USP5: variants seen among roughly 807,000 people sequenced by gnomAD.
USP5 encodes ubiquitin specific peptidase 5, also known as ubiquitin carboxyl-terminal hydrolase 5.
USP5 carries 24 observed loss-of-function variants against 102.5 expected under a neutral mutation model. That is an observed-to-expected ratio of 0.23 (90% CI 0.17 to 0.33). USP5 has a LOEUF of 0.33. Among genes scored for constraint, USP5 ranks in the 10% least tolerant of loss-of-function variants. The pLI is 1.00. For missense variants in USP5, 753 were observed against 1,122.1 expected (o/e 0.67, Z 4.70); for synonymous variants, 460 against 434.8 (o/e 1.06, Z -0.72).
Position 6,862,555 on chromosome 12 carries a change from C to G in USP5, c.1759C>G (p.Leu587Val). 3 of 1,613,836 alleles carry G rather than the reference C, an allele frequency of 1.9e-6. No homozygotes were observed. The highest frequency in any genetic ancestry group is 2.5e-6 in the Non-Finnish European group (3 of 1,179,742). Reference protein sequence around the residue: ...TFGLDWVPKKLDVSIEMPEEL... With the variant: ...TFGLDWVPKKVDVSIEMPEEL... ...CGGCTTAGACTGGGTGCCCAAGAAA[C>G]TGGGTATGGCTGCTGGAATGAGGGA... The change falls in exon 14 of 20, where the codon CTG (leucine) becomes GTG (valine). Residue 587 changes from leucine (L) to valine (V), a missense_variant. By Grantham distance (32) the Leu-to-Val change is conservative. Transcript: ENST00000229268.
rs1259096698 is a variant in USP5, at chr12:6,860,833, C to G, written c.1345-120C>G. 1.4e-6 allele frequency: 2 copies of G among 1,432,586 alleles called. No homozygotes were observed. The highest frequency in any genetic ancestry group is 2.8e-5 in the African/African-American group (2 of 70,328). 88.7% of individuals were successfully genotyped at this position (1,432,586 alleles called of 1,614,324 possible). A position where few individuals can be genotyped will look rare whatever the true frequency, so the allele number is the denominator to read the frequency against. On this transcript the variant is annotated intron_variant, in intron 11 of 19. Transcript: ENST00000229268. This position sits in a 1 kb window ranked among gnomAD's most constrained non-coding sequence, Gnocchi z 5.5. ...AATTAGGGAAGGTTTCTGCTCTGCT[C>G]TTGTGTCCCTGAGTTCCGAGTGGTA...
In USP5 at chr12:6,858,512, A is replaced by G. The variant is rs782409014; in HGVS notation, c.953A>G (p.Lys318Arg). The G allele has an allele frequency of 6.8e-6, 11 of 1,613,826 alleles. No individual in the cohort carries two copies. The highest frequency in any genetic ancestry group is 3.3e-5 in the Admixed American group (2 of 59,998). Residue 318 changes from lysine (K) to arginine (R), a missense_variant, in exon 8 of 20, where the codon AAG becomes AGG. Physicochemically the swap from Lys to Arg is conservative, Grantham distance 26. Coordinates refer to ENST00000229268, the MANE Select transcript of USP5 (RefSeq NM_001098536.2). This position sits in a 1 kb window ranked among gnomAD's most constrained non-coding sequence, Gnocchi z 4.2. The stretch of plus-strand genomic sequence containing the variant: ...ATCCAGGAGTCAGGTGTGCCACTCA[A>G]GCCCCTGTTTGGGCCTGGCTACACA... ...ELIQESGVPL[K>R]PLFGPGYTGI...
In USP5 at chr12:6,863,708, C is replaced by G; in HGVS notation, c.1955-122C>G. 7.2e-7 allele frequency: 1 copy of G among 1,396,086 alleles called. No individual in the cohort carries two copies. The highest frequency in any genetic ancestry group is 2.5e-5 in the Admixed American group (1 of 40,678). 86.5% of individuals were successfully genotyped at this position (1,396,086 alleles called of 1,614,324 possible). ...GTCATTTTGGTTTTGGGATAAGGTGCCAATCCATGGGAGAAAAATGCATGG... is the reference window on the plus strand; with the variant it reads ...GTCATTTTGGTTTTGGGATAAGGTGGCAATCCATGGGAGAAAAATGCATGG... On this transcript the variant is annotated intron_variant, in intron 15 of 19. Coordinates refer to ENST00000229268, the MANE Select transcript of USP5 (RefSeq NM_001098536.2). This position sits in a 1 kb window ranked among gnomAD's most constrained non-coding sequence, Gnocchi z 4.7.
chr12:6,861,737 T>C lies in USP5; in HGVS notation c.1673+120T>C, dbSNP rs782706321. On this transcript the variant is annotated intron_variant, in intron 13 of 19. Coordinates refer to ENST00000229268, the MANE Select transcript of USP5 (RefSeq NM_001098536.2). The surrounding 1 kb of genome is among the most constrained non-coding windows in gnomAD (Gnocchi z 4.9). ...GGTTGGAACCTCAGGGTTGAATCAG[T>C]TGGGCTGGTAATCTGGCCCTGATGG... is the stretch of plus-strand genomic sequence containing the variant. 1.9e-5 allele frequency: 23 copies of C among 1,183,972 alleles called. No individual in the cohort carries two copies. The East Asian group carries it at 3.5e-4, about 18-fold the overall frequency. 73.3% of individuals were successfully genotyped at this position (1,183,972 alleles called of 1,614,324 possible).
Position 6,855,772 on chromosome 12 carries a change from T to A in USP5, c.255T>A (p.Ala85=), listed in dbSNP as rs1555128044. The A allele has an allele frequency of 1.9e-6, 3 of 1,614,224 alleles. No homozygotes were observed. ...CTTTACAGAAAGAGGAGGACCCTGC[T>A]ACAGGCACTGGAGACCCACCCCGGA... The part of the protein sequence containing the change: ...RTRRPKEEDP[A]TGTGDPPRKK... The change falls in exon 3 of 20, where the codon GCT becomes GCA. Residue 85 remains alanine, a synonymous_variant. Coordinates refer to ENST00000229268, the MANE Select transcript of USP5 (RefSeq NM_001098536.2). The surrounding 1 kb of genome is among the most constrained non-coding windows in gnomAD (Gnocchi z 4.6).
Position 6,856,549 on chromosome 12 carries a change from A to G in USP5, c.584+99A>G. 6.5e-7 allele frequency: 1 copy of G among 1,547,648 alleles called. No homozygotes were observed. The highest frequency in any genetic ancestry group is 8.7e-7 in the Non-Finnish European group (1 of 1,149,086). Reference sequence around the variant, plus strand: ...GGTGGGAGAGAGGGTAGGGAGCAGGACAGGAAGGGAAGCTTGGAAATGAAC... The same window carrying G: ...GGTGGGAGAGAGGGTAGGGAGCAGGGCAGGAAGGGAAGCTTGGAAATGAAC... On this transcript the variant is annotated intron_variant, in intron 5 of 19. Coordinates refer to ENST00000229268, the MANE Select transcript of USP5 (RefSeq NM_001098536.2). This position sits in a 1 kb window ranked among gnomAD's most constrained non-coding sequence, Gnocchi z 5.6.
chr12:6,861,048 C>T lies in USP5; in HGVS notation c.1440C>T (p.Thr480=), dbSNP rs1944263112. The change falls in exon 12 of 20, where the codon ACC becomes ACT. Residue 480 remains threonine, a synonymous_variant. Transcript: ENST00000229268. The surrounding 1 kb of genome is among the most constrained non-coding windows in gnomAD (Gnocchi z 4.9). ...TGGCCACAGAGAAGGTGAAGTACAC[C>T]CAGCGAGTTGACTACATCATGCAGC... The part of the protein sequence containing the change: ...KCLATEKVKY[T]QRVDYIMQLP... 2.5e-6 allele frequency: 4 copies of T among 1,614,210 alleles called. No homozygotes were observed. The highest frequency in any genetic ancestry group is 3.4e-6 in the Non-Finnish European group (4 of 1,180,032).
chr12:6,858,677 C>A lies in USP5; in HGVS notation c.1058+60C>A. On this transcript the variant is annotated intron_variant, in intron 8 of 19. Transcript: ENST00000229268. This position sits in a 1 kb window ranked among gnomAD's most constrained non-coding sequence, Gnocchi z 4.2. ...CTGGTCAGCACCCTCTGGGCATACT[C>A]CTCCTTCAGCTTCCCTCAGCACCTC... 1 of 1,461,038 alleles carries A rather than the reference C, an allele frequency of 6.8e-7. No individual in the cohort carries two copies. Among genetic ancestry groups the A allele is most frequent in the Middle Eastern group, 2.4e-4 (1 of 4,246 alleles). 90.5% of individuals were successfully genotyped at this position (1,461,038 alleles called of 1,614,324 possible).
Position 6,858,216 on chromosome 12 carries a change from C to T in USP5, c.865-208C>T, listed in dbSNP as rs191401680. 2.5e-4 allele frequency among the ~76,000 whole-genome samples: 38 copies of T among 152,268 alleles called. 1 individual carries two copies. The highest frequency in any genetic ancestry group is 1.0e-3 in the Admixed American group (16 of 15,288). On this transcript the variant is annotated intron_variant, in intron 7 of 19. Coordinates refer to ENST00000229268, the MANE Select transcript of USP5 (RefSeq NM_001098536.2). The surrounding 1 kb of genome is among the most constrained non-coding windows in gnomAD (Gnocchi z 4.2). ...ATTTTATTCCTCATTCAAGCAGAGG[C>T]CCTGATGACTAACGGGCCTCTGGGA...
In USP5 at chr12:6,855,462, T is replaced by C; in HGVS notation, c.173T>C (p.Val58Ala). Residue 58 changes from valine to alanine, a missense_variant, in exon 2 of 20, where the codon GTG becomes GCG. Val to Ala is a moderately conservative substitution (Grantham distance 64, BLOSUM62 0). This residue lies in a region of USP5 where 527 missense variants were observed against 816.5 expected (regional missense o/e 0.65). Transcript: ENST00000229268. This position sits in a 1 kb window ranked among gnomAD's most constrained non-coding sequence, Gnocchi z 4.6. ...NTFLGFGKQY[V>A]ERHFNKTGQR... ...TTTCTGGGCTTTGGGAAACAGTATG[T>C]GGAGAGACATTTCAATAAGACCGGC... 1 of 1,614,180 alleles carries C rather than the reference T, an allele frequency of 6.2e-7. No homozygotes were observed. Among genetic ancestry groups the C allele is most frequent in the Non-Finnish European group, 8.5e-7 (1 of 1,180,038 alleles).
At position 6,855,477 on chromosome 12, in the gene USP5, A is replaced by G. The variant is rs1197740865; in HGVS notation, c.188A>G (p.Asn63Ser). Residue 63 changes from asparagine (N) to serine (S), a missense_variant, in exon 2 of 20, where the codon AAT becomes AGT. Physicochemically the swap from Asn to Ser is conservative, Grantham distance 46. Coordinates refer to ENST00000229268, the MANE Select transcript of USP5 (RefSeq NM_001098536.2). The surrounding 1 kb of genome is among the most constrained non-coding windows in gnomAD (Gnocchi z 4.6). ...AAACAGTATGTGGAGAGACATTTCAATAAGACCGGCCAGCGAGTCTACTTG... is the reference window on the plus strand; with the variant it reads ...AAACAGTATGTGGAGAGACATTTCAGTAAGACCGGCCAGCGAGTCTACTTG... Reference protein sequence around the residue: ...FGKQYVERHFNKTGQRVYLHL... With the variant: ...FGKQYVERHFSKTGQRVYLHL... The G allele has an allele frequency of 1.3e-5, 21 of 1,614,086 alleles. No individual in the cohort carries two copies. The highest frequency in any genetic ancestry group is 1.7e-5 in the Admixed American group (1 of 60,010).
At chr12:6,865,493 G>A (rs1468859791) in intron 19 of USP5, among the ~76,000 whole-genome samples, 2 of 152,120 alleles carry the variant, frequency 1.3e-5, no homozygotes, top group Non-Finnish European at 2.9e-5. Context: ...GAACTCCTGA[G>A]CTCAAGTGAT....
At chr12:6,865,076 T>A in intron 18 of USP5, 88 bp from the exon 19 acceptor site, 2 of 1,363,766 alleles carry the variant, frequency 1.5e-6, no homozygotes, top group Non-Finnish European at 2.1e-6. Flanking sequence ...ACTCCTGTCC[T>A]GAGTCTGAGC....
chr12:6,856,412 C>G lies in USP5; in HGVS notation c.546C>G (p.Ser182Arg). Residue 182 changes from serine (S) to arginine (R), a missense_variant, in exon 5 of 20, where the codon AGC becomes AGG. Transcript: ENST00000229268. This position sits in a 1 kb window ranked among gnomAD's most constrained non-coding sequence, Gnocchi z 5.6. ...GGCAGGTGTCTAAGCATGCCTTCAG[C>G]CTCAAGCAGTTGGACAACCCTGCTC... Reference protein sequence around the residue: ...EVRQVSKHAFSLKQLDNPARI... With the variant: ...EVRQVSKHAFRLKQLDNPARI... The G allele has an allele frequency of 6.2e-7, 1 of 1,613,750 alleles. No individual in the cohort carries two copies. Among genetic ancestry groups the G allele is most frequent in the Admixed American group, 1.7e-5 (1 of 59,994 alleles).
chr12:6,853,982 CTGTT>C (rs1462159127), intron 1 of USP5, among the ~76,000 whole-genome samples: 2 of 152,286 alleles, frequency 1.3e-5, no homozygotes, highest in East Asian at 3.9e-4. Flanking sequence ...AAGAGGATGT[CTGTT>C]GTTGCTCAAA....
At chr12:6,853,811 C>G (rs184076065) in intron 1 of USP5, among the ~76,000 whole-genome samples, 13 of 152,300 alleles carry the variant, frequency 8.5e-5, no homozygotes, top group Non-Finnish European at 1.9e-4. Flanking sequence ...AGTTGACCTC[C>G]CCGGTGAGAA....
rs782498469 is a variant in USP5, at chr12:6,855,355, G to A, written c.112-46G>A. On this transcript the variant is annotated intron_variant, in intron 1 of 19. Coordinates refer to ENST00000229268, the MANE Select transcript of USP5 (RefSeq NM_001098536.2). The surrounding 1 kb of genome is among the most constrained non-coding windows in gnomAD (Gnocchi z 4.6). ...GGTTTTGGTTTCCTCACCTGACCAG[G>A]CTTCATAACATCCTCGTGTTTTCAC... The A allele has an allele frequency of 1.2e-6, 2 of 1,607,428 alleles. No individual in the cohort carries two copies. The highest frequency in any genetic ancestry group is 2.2e-5 in the East Asian group (1 of 44,812).
Position 6,860,120 on chromosome 12 carries a change from A to T in USP5, c.1131-31A>T, listed in dbSNP as rs1565531912. On this transcript the variant is annotated intron_variant, in intron 9 of 19. Coordinates refer to ENST00000229268, the MANE Select transcript of USP5 (RefSeq NM_001098536.2). The surrounding 1 kb of genome is among the most constrained non-coding windows in gnomAD (Gnocchi z 5.5). Reference sequence around the variant, plus strand: ...GACACACAGGGTCGTTAGTTGACTGAAGTGAAATGTTTTCTTGGATATTAA... The same window carrying T: ...GACACACAGGGTCGTTAGTTGACTGTAGTGAAATGTTTTCTTGGATATTAA... 1.2e-6 allele frequency: 2 copies of T among 1,606,988 alleles called. No individual in the cohort carries two copies. The highest frequency in any genetic ancestry group is 1.7e-6 in the Non-Finnish European group (2 of 1,177,904).
chr12:6,852,428 C>A, intron 1 of USP5, 138 bp downstream of exon 1: 2 of 918,592 alleles, frequency 2.2e-6, no homozygotes, highest in Non-Finnish European at 3.2e-6. Flanking sequence ...CTCCACTCTG[C>A]CGTTGCCTTT....
Sources: gnomAD v4.1 joint callset for allele counts (sites outside exome capture counted in the v4.1 genomes callset) on GRCh38, gnomAD v4.1.1 for gene constraint, gnomAD v4.1.1 regional missense constraint, Gnocchi (gnomAD v3.1) non-coding constraint, MANE v1.5 for transcripts, NCBI Gene and HGNC (gene_info 2026-07-23, HGNC 2026-07-21) for gene names.